The following PPP4R3B variants were observed in gnomAD, a reference collection of about 807,000 sequenced individuals.
The protein encoded by PPP4R3B is serine/threonine-protein phosphatase 4 regulatory subunit 3B.
In PPP4R3B, 52 loss-of-function variants were observed where a neutral mutation model predicts 95.4. The ratio of observed to expected loss-of-function variants is 0.54; its 90% confidence interval spans 0.44 to 0.69. PPP4R3B has a LOEUF of 0.69. Among genes scored for constraint, PPP4R3B ranks in the 30% least tolerant of loss-of-function variants. The pLI, the probability that PPP4R3B is intolerant of heterozygous loss-of-function variation, is 0.00. For missense variants in PPP4R3B, 1,003 were observed against 1,005.9 expected, an observed-to-expected ratio of 1.00 and a Z score of 0.04; for synonymous variants, 407 against 343.9, an observed-to-expected ratio of 1.18 and a Z score of -2.03.
At chr2:55,573,506 T>G in intron 12 of PPP4R3B, 113 bp downstream of exon 12, 4 of 999,712 alleles carry the variant, frequency 4.0e-6, no homozygotes, top group Non-Finnish European at 5.7e-6. Context: ...AGAATAGGAC[T>G]TCTCACAATC....
At chr2:55,591,222 G>A (rs758165459) in intron 4 of PPP4R3B, among the ~76,000 whole-genome samples, 4 of 149,262 alleles carry the variant, frequency 2.7e-5, no homozygotes, top group Admixed American at 1.3e-4. Flanking sequence ...GTGTAGCCTC[G>A]ACCTCCTGGA....
intron 16 of PPP4R3B, among the ~76,000 whole-genome samples, chr2:55,551,246 C>T (rs1368023516): frequency 7.2e-5 from 11 of 151,798 alleles, no homozygotes; most frequent in Non-Finnish European, 1.5e-4. Flanking sequence ...CCCAGCTACT[C>T]GGGAGGCTGA....
At chr2:55,617,012 T>C in intron 1 of PPP4R3B, 132 bp downstream of exon 1, 4 of 1,036,180 alleles carry the variant, frequency 3.9e-6, no homozygotes, top group Non-Finnish European at 5.6e-6. Flanking sequence ...GTTTTTGCCG[T>C]ACACAAGAGC....
chr2:55,587,777 T>G (rs1012833516), intron 5 of PPP4R3B, among the ~76,000 whole-genome samples: 1 of 152,114 alleles, frequency 6.6e-6, no homozygotes, highest in East Asian at 1.9e-4. Context: ...TAATACTGGT[T>G]TAAGGACTGA....
chr2:55,570,883 A>G (rs1687910490), intron 12 of PPP4R3B, among the ~76,000 whole-genome samples: 1 of 152,240 alleles, frequency 6.6e-6, no homozygotes, highest in Non-Finnish European at 1.5e-5. Flanking sequence ...AAAAGACTGA[A>G]GCACTGGCAA....
rs559093442 is a variant in PPP4R3B at position 55,572,431 on chromosome 2, C to A, written c.1765+1188G>T. On this transcript the variant is annotated intron_variant, in intron 12 of 16. Transcript: ENST00000616407. The stretch of plus-strand genomic sequence containing the variant: ...ACAAAAAGCTCTAAGAAAAAGATAA[C>A]TGGCAATTCACAACAGATAAAAATG... Among the ~76,000 whole-genome samples, 125 of 152,204 alleles carry A rather than the reference C, an allele frequency of 8.2e-4. 3 individuals are homozygous for A. In the South Asian group the frequency reaches 0.025, roughly 30 times the overall value.
At chr2:55,615,297 A>C in intron 2 of PPP4R3B, 154 bp downstream of exon 2, 1 of 627,708 alleles carries the variant, frequency 1.6e-6, no homozygotes, top group Non-Finnish European at 2.7e-6. Flanking sequence ...ACTTTTTTTC[A>C]GTCTGAAACT....
chr2:55,590,216 A>T (rs1690815684), intron 4 of PPP4R3B, among the ~76,000 whole-genome samples: 1 of 151,340 alleles, frequency 6.6e-6, no homozygotes, highest in South Asian at 2.1e-4. Flanking sequence ...AATCCTAGCT[A>T]CTAGGGAGGC....
rs1051669759 is a variant in PPP4R3B at position 55,549,707 on chromosome 2, A to G, written c.*204T>C. On this transcript the variant is annotated 3_prime_UTR_variant, in exon 17 of 17. Coordinates refer to ENST00000616407, the MANE Select transcript of PPP4R3B (RefSeq NM_001122964.3). ...TTTGTTTTGACAGCCTAAAAGGCAA[A>G]CCCCTTAATTACTAGCAAGCAATCA... 11 of 531,444 alleles carry G rather than the reference A, an allele frequency of 2.1e-5. No individual in the cohort carries two copies. In the Admixed American group the frequency reaches 2.2e-4, roughly 11 times the overall value. The allele number at this position is 531,444 out of a possible 1,614,324, so 32.9% of individuals were successfully genotyped here.
chr2:55,576,278 G>A (rs1688648453), intron 11 of PPP4R3B, among the ~76,000 whole-genome samples: 3 of 152,136 alleles, frequency 2.0e-5, no homozygotes, highest in African/African-American at 2.4e-5. Flanking sequence ...AACCCAGAAG[G>A]TGGAGGTTGC....
Position 55,599,989 on chromosome 2 carries a change from G to A in PPP4R3B, c.298-950C>T, listed in dbSNP as rs147639087. On this transcript the variant is annotated intron_variant, in intron 3 of 16. Transcript: ENST00000616407. ...ACTTCTAAACTTATGCTTTCTCAAA[G>A]CTAAACATATAAAAATTATCTTTGC... is the stretch of plus-strand genomic sequence containing the variant. 2.0e-3 allele frequency among the ~76,000 whole-genome samples: 300 copies of A among 152,180 alleles called. 7 individuals carry two copies. The East Asian group carries it at 0.05, about 25-fold the overall frequency.
intron 7 of PPP4R3B, among the ~76,000 whole-genome samples, chr2:55,583,747 T>G (rs984373183): frequency 2.0e-5 from 3 of 152,218 alleles, no homozygotes; most frequent in Non-Finnish European, 2.9e-5. Context: ...AAGTTGATTC[T>G]AAAATAAAAT....
intron 16 of PPP4R3B, among the ~76,000 whole-genome samples, chr2:55,557,068 C>T (rs563766446): frequency 2.6e-4 from 39 of 150,598 alleles, no homozygotes; most frequent in Non-Finnish European, 4.5e-5. Context: ...GTAACAACAA[C>T]GACGACGACG....
intron 15 of PPP4R3B, among the ~76,000 whole-genome samples, chr2:55,563,457 C>T (rs113643868): frequency 0.024 from 3,646 of 152,248 alleles, 152 homozygotes; most frequent in African/African-American, 0.083. Flanking sequence ...ACTGCAGCTT[C>T]GACCTCCTGG....
chr2:55,566,078 T>A (rs542893122), intron 13 of PPP4R3B, among the ~76,000 whole-genome samples: 98 of 148,798 alleles, frequency 6.6e-4, no homozygotes, highest in African/African-American at 1.4e-3. Flanking sequence ...AGGCTTATTT[T>A]AAAAAAAAAA....
chr2:55,584,049 TAC>T (rs1269166491), intron 7 of PPP4R3B, among the ~76,000 whole-genome samples: 2 of 151,898 alleles, frequency 1.3e-5, no homozygotes, highest in African/African-American at 2.4e-5. Context: ...CTACCAAAAA[TAC>T]ACAGTTAGCC....
chr2:55,606,549 C>T (rs1179127044), intron 2 of PPP4R3B, among the ~76,000 whole-genome samples: 4 of 151,912 alleles, frequency 2.6e-5, no homozygotes, highest in Non-Finnish European at 5.9e-5. Context: ...TGGCCAGGCA[C>T]AGTGGCTCAC....
intron 4 of PPP4R3B, among the ~76,000 whole-genome samples, chr2:55,594,183 T>C (rs2104400090): frequency 6.6e-6 from 1 of 151,840 alleles, no homozygotes; most frequent in South Asian, 2.1e-4. Flanking sequence ...GGTTTAAAAA[T>C]TATCTACTGG....
At position 55,577,649 on chromosome 2, in the gene PPP4R3B, C is replaced by G. The variant is rs188425890; in HGVS notation, c.1565-293G>C. On this transcript the variant is annotated intron_variant, in intron 10 of 16. Coordinates refer to ENST00000616407, the MANE Select transcript of PPP4R3B (RefSeq NM_001122964.3). ...TCTTCTTTTACCTTCTCCTATTCATCATTCAACAATTAGGGTATTTCTCTT... is the reference window on the plus strand; with the variant it reads ...TCTTCTTTTACCTTCTCCTATTCATGATTCAACAATTAGGGTATTTCTCTT... Among the ~76,000 whole-genome samples, 16 of 152,214 alleles carry G rather than the reference C, an allele frequency of 1.1e-4. No homozygotes were observed. In the East Asian group the frequency reaches 2.7e-3, roughly 26 times the overall value.
Sources: gnomAD v4.1 joint callset for allele counts (sites outside exome capture counted in the v4.1 genomes callset) on GRCh38, gnomAD v4.1.1 for gene constraint, MANE v1.5 for transcripts, NCBI Gene and HGNC (gene_info 2026-07-23, HGNC 2026-07-21) for gene names.